Variants in TENM2 observed in about 807,000 individuals in gnomAD.
TENM2 encodes the protein teneurin transmembrane protein 2.
Under a neutral mutation model 245.2 loss-of-function variants are expected in TENM2, and 52 were observed. The ratio of observed to expected loss-of-function variants is 0.21; its 90% CI spans 0.17 to 0.27. TENM2 has a LOEUF of 0.27. Among genes scored for constraint, TENM2 ranks in the 10% least tolerant of loss-of-function variants. The pLI is 1.00. For missense variants in TENM2, 3,046 were observed against 3,666.8 expected, an observed-to-expected ratio of 0.83 and a Z score of 4.37; for synonymous variants, 1,363 against 1,438.9, an observed-to-expected ratio of 0.95 and a Z score of 1.19.
rs143016116 is a variant in TENM2 at position 167,577,783 on chromosome 5, C to T, written c.502+202310C>T. Among the ~76,000 whole-genome samples the T allele has an allele frequency of 3.6e-3, 541 of 152,192 alleles. 1 individual carries two copies. The highest frequency in any genetic ancestry group is 5.5e-3 in the Non-Finnish European group (371 of 68,008). On this transcript the variant is annotated intron_variant, in intron 2 of 28. Transcript: ENST00000518659. The stretch of plus-strand genomic sequence containing the variant: ...GATGAGCTAAGTGTGCCGAATTGCA[C>T]CCCTAACAACAACAAAAGATGCCTC...
intron 2 of TENM2, among the ~76,000 whole-genome samples, chr5:167,471,153 A>G (rs898998468): frequency 5.3e-5 from 8 of 152,190 alleles, no homozygotes; most frequent in African/African-American, 1.9e-4. Context: ...ATGAAGGAAG[A>G]TGTGGCTACT....
intron 8 of TENM2, 98 bp from the exon 11 acceptor site, chr5:168,097,928 A>T: frequency 1.3e-6 from 1 of 788,304 alleles, no homozygotes; most frequent in Non-Finnish European, 2.1e-6. Flanking sequence ...ATCTGAGATT[A>T]CTACCACTGG....
At chr5:167,837,135 C>G (rs924492769) in intron 2 of TENM2, among the ~76,000 whole-genome samples, 7 of 151,988 alleles carry the variant, frequency 4.6e-5, no homozygotes, top group Admixed American at 2.0e-4. Flanking sequence ...ATATATTTCT[C>G]ACATGATTTA....
intron 2 of TENM2, among the ~76,000 whole-genome samples, chr5:167,427,526 G>GGGA (rs1561945743): frequency 7.1e-6 from 1 of 140,150 alleles, no homozygotes; most frequent in Non-Finnish European, 1.6e-5. Flanking sequence ...AAGGGAGGGA[G>GGGA]GGAAGGATGG....
the TENM2 span, among the ~76,000 whole-genome samples, chr5:167,028,342 A>T: frequency 3.9e-5 from 6 of 152,082 alleles, no homozygotes; most frequent in Admixed American, 3.3e-4. Context: ...GTTTTCTTGA[A>T]ATGAATCCCT....
At chr5:167,185,201 A>G in the TENM2 span, among the ~76,000 whole-genome samples, 1 of 152,098 alleles carries the variant, frequency 6.6e-6, no homozygotes, top group African/African-American at 2.4e-5. Flanking sequence ...TCACTGTTGC[A>G]TGACTGAATC....
chr5:167,686,302 TTTAGA>T (rs543771727), intron 2 of TENM2, among the ~76,000 whole-genome samples: 278 of 152,278 alleles, frequency 1.8e-3, no homozygotes, highest in African/African-American at 6.4e-3. Context: ...TCCTTAATGT[TTTAGA>T]TTAGAGATGG....
intron 2 of TENM2, among the ~76,000 whole-genome samples, chr5:167,745,777 A>G (rs889096818): frequency 6.6e-6 from 1 of 152,190 alleles, no homozygotes; most frequent in Non-Finnish European, 1.5e-5. Flanking sequence ...AATGTATTAC[A>G]TGATGGTTTG....
the TENM2 span, among the ~76,000 whole-genome samples, chr5:167,097,589 G>A: frequency 6.6e-6 from 1 of 152,062 alleles, no homozygotes; most frequent in Non-Finnish European, 1.5e-5. Flanking sequence ...AATTAAAATC[G>A]GATGTTTGTA....
chr5:167,239,093 C>T, the TENM2 span, among the ~76,000 whole-genome samples: 1 of 152,208 alleles, frequency 6.6e-6, no homozygotes, highest in Admixed American at 6.5e-5. Flanking sequence ...ATAAGATTCA[C>T]TTGTCTTTAA....
rs573728325 is a variant in TENM2, at chr5:167,970,407, T to A, written c.947+17585T>A. Among the ~76,000 whole-genome samples, 11 of 152,326 alleles carry A rather than the reference T, an allele frequency of 7.2e-5. No individual in the cohort carries two copies. The South Asian group carries it at 2.3e-3, about 32-fold the overall frequency. ...TTTCTAATTAAAACATGCTCATTTATTGTCTTACTAACCAGTGCTCTTTAT... is the reference window on the plus strand; with the variant it reads ...TTTCTAATTAAAACATGCTCATTTAATGTCTTACTAACCAGTGCTCTTTAT... On this transcript the variant is annotated intron_variant, in intron 4 of 28. Coordinates refer to ENST00000518659, the Ensembl canonical transcript of TENM2.
chr5:167,889,705 G>T (rs1032012284), intron 3 of TENM2, among the ~76,000 whole-genome samples: 32 of 152,162 alleles, frequency 2.1e-4, no homozygotes, highest in African/African-American at 7.7e-4. Context: ...TCTTCTCGTG[G>T]TCTTACAGCT....
At chr5:167,903,092 C>A (rs1048934067) in intron 3 of TENM2, among the ~76,000 whole-genome samples, 3 of 152,088 alleles carry the variant, frequency 2.0e-5, no homozygotes, top group Non-Finnish European at 4.4e-5. Context: ...TGAATATGTA[C>A]AATTATAATT....
At chr5:167,008,111 CTCAGGG>C in the TENM2 span, among the ~76,000 whole-genome samples, 1 of 152,178 alleles carries the variant, frequency 6.6e-6, no homozygotes, top group Non-Finnish European at 1.5e-5. Flanking sequence ...GGAATGCTAT[CTCAGGG>C]TCTGTTTCTG....
At chr5:167,408,743 G>A (rs893795668) in intron 2 of TENM2, among the ~76,000 whole-genome samples, 1 of 151,148 alleles carries the variant, frequency 6.6e-6, no homozygotes, top group South Asian at 2.1e-4. Context: ...CCAAGACATA[G>A]TATTTTAGAC....
the TENM2 span, among the ~76,000 whole-genome samples, chr5:167,070,945 A>G: frequency 1.3e-5 from 2 of 152,190 alleles, no homozygotes; most frequent in African/African-American, 2.4e-5. Flanking sequence ...TTTTTTTACT[A>G]TAGATAATTC....
intron 5 of TENM2, among the ~76,000 whole-genome samples, chr5:168,037,749 A>G (rs1166742390): frequency 6.6e-6 from 1 of 152,160 alleles, no homozygotes; most frequent in African/African-American, 2.4e-5. Flanking sequence ...TAGAGAGAGC[A>G]CCAGAGAGTC....
At chr5:167,361,376 AT>A (rs1759706891) in intron 1 of TENM2, among the ~76,000 whole-genome samples, 1 of 152,136 alleles carries the variant, frequency 6.6e-6, no homozygotes, top group South Asian at 2.1e-4. Context: ...TTTGATTTAT[AT>A]TTTTCTAGTC....
intron 2 of TENM2, among the ~76,000 whole-genome samples, chr5:167,576,425 T>G (rs1774692266): frequency 6.6e-6 from 1 of 152,196 alleles, no homozygotes; most frequent in African/African-American, 2.4e-5. Context: ...GATAGCATTT[T>G]GCATAATTTG....
Sources: allele counts gnomAD v4.1 joint callset (sites outside exome capture counted in the v4.1 genomes callset), GRCh38; gene constraint gnomAD v4.1.1; transcripts MANE v1.5; gene names NCBI Gene and HGNC (gene_info 2026-07-23, HGNC 2026-07-21).